Variants in PTPRD observed in about 807,000 individuals in gnomAD.
PTPRD encodes the protein receptor-type tyrosine-protein phosphatase delta.
In PTPRD, 34 loss-of-function variants were observed where a neutral mutation model predicts 214.5. The ratio of observed to expected loss-of-function variants is 0.16; its 90% CI spans 0.12 to 0.21. The LOEUF is 0.21. PTPRD is among the 10% of genes least tolerant of loss of function. The probability of loss-of-function intolerance (pLI) is 1.00; values close to 1 mark genes in which losing one functional copy is unlikely to be tolerated. For synonymous variants in PTPRD, 1,128 were observed against 845.7 expected, an observed-to-expected ratio of 1.33 and a Z score of -5.79; for missense variants, 2,545 against 2,398.7, an observed-to-expected ratio of 1.06 and a Z score of -1.27.
At position 9,896,488 on chromosome 9, in the gene PTPRD, G is replaced by T. The variant is rs561153776; in HGVS notation, c.-368+42019C>A. Among the ~76,000 whole-genome samples the T allele has an allele frequency of 2.0e-5, 3 of 151,986 alleles. No individual in the cohort carries two copies. The East Asian group carries it at 5.8e-4, about 29-fold the overall frequency. On this transcript the variant is annotated intron_variant, in intron 5 of 45. Transcript: ENST00000381196. ...TTTGAATTTTATTAGCATAACTTCTGGGAAATAGTCTAGTGCATTTGGATA... is the reference window on the plus strand; with the variant it reads ...TTTGAATTTTATTAGCATAACTTCTTGGAAATAGTCTAGTGCATTTGGATA...
chr9:8,521,359 A>G lies in PTPRD; in HGVS notation c.879T>C (p.Asp293=), dbSNP rs2097887534. ...AGGTGTAATTTGCTGACTGTCTTACATCATTCAGTTCTAGCACATTTCTTC... is the reference window on the plus strand; with the variant it reads ...AGGTGTAATTTGCTGACTGTCTTACGTCATTCAGTTCTAGCACATTTCTTC... ...PIGRNVLELN[D]VRQSANYTCV... The change falls in exon 20 of 46, where the codon GAT becomes GAC. Residue 293 remains aspartate, a synonymous_variant. Coordinates refer to ENST00000381196, the MANE Select transcript of PTPRD (RefSeq NM_002839.4). 2 of 1,614,004 alleles carry G rather than the reference A, an allele frequency of 1.2e-6. No homozygotes were observed. The highest frequency in any genetic ancestry group is 1.7e-6 in the Non-Finnish European group (2 of 1,179,932).
intron 4 of PTPRD, among the ~76,000 whole-genome samples, chr9:10,011,198 A>G (rs1415614228): frequency 6.6e-6 from 1 of 151,964 alleles, no homozygotes; most frequent in East Asian, 1.9e-4. Context: ...GTTCAGCAGA[A>G]CCTTGACAGT....
At chr9:9,764,018 G>A (rs763160210) in intron 6 of PTPRD, among the ~76,000 whole-genome samples, 2 of 151,792 alleles carry the variant, frequency 1.3e-5, no homozygotes, top group Non-Finnish European at 2.9e-5. Flanking sequence ...ATATTTGCAC[G>A]ACCCCCATTC....
At chr9:8,885,356 G>T (rs943868266) in intron 11 of PTPRD, among the ~76,000 whole-genome samples, 24 of 152,034 alleles carry the variant, frequency 1.6e-4, no homozygotes, top group Non-Finnish European at 1.5e-4. Context: ...AGAGTCCCTG[G>T]CAAACTAAGA....
chr9:8,441,500 C>A (rs540252975), intron 34 of PTPRD, among the ~76,000 whole-genome samples: 2 of 151,730 alleles, frequency 1.3e-5, no homozygotes, highest in Non-Finnish European at 2.9e-5. Flanking sequence ...CCATGTCAAA[C>A]GATAAGCTCT....
chr9:9,242,290 T>C (rs530510352), intron 9 of PTPRD, among the ~76,000 whole-genome samples: 24 of 152,182 alleles, frequency 1.6e-4, no homozygotes, highest in Non-Finnish European at 3.4e-4. Flanking sequence ...TTTTCCTTCA[T>C]GTCAACTTTG....
At chr9:9,912,765 T>G (rs1424650673) in intron 5 of PTPRD, among the ~76,000 whole-genome samples, 2 of 152,198 alleles carry the variant, frequency 1.3e-5, no homozygotes. Flanking sequence ...TTCCCTAGAC[T>G]ATCCAGATGT....
intron 11 of PTPRD, among the ~76,000 whole-genome samples, chr9:8,817,829 T>C (rs1304977807): frequency 6.6e-6 from 1 of 152,162 alleles, no homozygotes; most frequent in Non-Finnish European, 1.5e-5. Context: ...AATTTCAAGA[T>C]TCCTGATGAC....
intron 2 of PTPRD, among the ~76,000 whole-genome samples, chr9:10,504,514 A>G (rs537689512): frequency 1.3e-5 from 2 of 152,262 alleles, no homozygotes; most frequent in African/African-American, 4.8e-5. Context: ...GTTTCCAAAG[A>G]TAAGAGCTTG....
At chr9:9,170,195 C>T (rs1403543408) in intron 10 of PTPRD, among the ~76,000 whole-genome samples, 1 of 152,114 alleles carries the variant, frequency 6.6e-6, no homozygotes, top group African/African-American at 2.4e-5. Flanking sequence ...AATTTTAGAT[C>T]ATTGTGTTTA....
At chr9:9,202,311 G>T (rs903498455) in intron 9 of PTPRD, among the ~76,000 whole-genome samples, 4 of 152,130 alleles carry the variant, frequency 2.6e-5, no homozygotes, top group African/African-American at 7.2e-5. Context: ...ATGCAAGATG[G>T]TTAAAAATTT....
At chr9:8,968,289 C>A (rs1025232158) in intron 11 of PTPRD, among the ~76,000 whole-genome samples, 1 of 152,062 alleles carries the variant, frequency 6.6e-6, no homozygotes, top group Non-Finnish European at 1.5e-5. Flanking sequence ...ATGGCTGGGT[C>A]AAATGGTATT....
intron 11 of PTPRD, among the ~76,000 whole-genome samples, chr9:8,826,214 A>T (rs781743523): frequency 0.11 from 16,181 of 152,006 alleles, 948 homozygotes; most frequent in African/African-American, 0.14. Flanking sequence ...TCTCATCCAG[A>T]CTACCTATAA....
At chr9:9,477,319 T>A (rs1589412461) in intron 8 of PTPRD, among the ~76,000 whole-genome samples, 1 of 152,230 alleles carries the variant, frequency 6.6e-6, no homozygotes, top group Non-Finnish European at 1.5e-5. Flanking sequence ...TATCACCCAT[T>A]GAGATTAACA....
At chr9:9,148,825 T>A (rs2099873024) in intron 10 of PTPRD, among the ~76,000 whole-genome samples, 1 of 152,182 alleles carries the variant, frequency 6.6e-6, no homozygotes, top group African/African-American at 2.4e-5. Flanking sequence ...TTAATTTTAG[T>A]ACTATTTACC....
chr9:10,074,431 G>A (rs1181824551), intron 3 of PTPRD, among the ~76,000 whole-genome samples: 2 of 152,108 alleles, frequency 1.3e-5, no homozygotes, highest in African/African-American at 2.4e-5. Flanking sequence ...TACTCAGGGT[G>A]TTATTGGCTC....
chr9:8,927,211 T>C (rs2098905604), intron 11 of PTPRD, among the ~76,000 whole-genome samples: 2 of 152,138 alleles, frequency 1.3e-5, no homozygotes, highest in Admixed American at 6.6e-5. Flanking sequence ...TTGACTGTTT[T>C]TCTCATATTT....
chr9:9,012,998 A>G (rs80298493), intron 11 of PTPRD, among the ~76,000 whole-genome samples: 2,177 of 152,248 alleles, frequency 0.014, 55 homozygotes, highest in African/African-American at 0.049. Flanking sequence ...GAATGAAAAA[A>G]ATAAACACAA....
At chr9:8,685,552 C>G (rs2097662917) in intron 12 of PTPRD, among the ~76,000 whole-genome samples, 1 of 152,134 alleles carries the variant, frequency 6.6e-6, no homozygotes, top group South Asian at 2.1e-4. Flanking sequence ...TGGAAACCAG[C>G]CAATACTTTG....
Sources: allele counts gnomAD v4.1 joint callset (sites outside exome capture counted in the v4.1 genomes callset), GRCh38; gene constraint gnomAD v4.1.1; transcripts MANE v1.5; gene names NCBI Gene and HGNC (gene_info 2026-07-23, HGNC 2026-07-21).